ADK: variants seen among roughly 807,000 people sequenced by gnomAD.
ADK encodes the protein N6,N6-dimethyladenosine kinase.
Under a neutral mutation model 44.7 loss-of-function variants are expected in ADK, and 24 were observed. That is an observed-to-expected ratio of 0.54 (90% CI 0.39 to 0.76). The LOEUF (loss-of-function observed/expected upper bound fraction) is 0.76, where lower values mean the gene tolerates loss of function less well. Among genes scored for constraint, ADK ranks in the 30% least tolerant of loss-of-function variants. The pLI is 0.00. For synonymous variants in ADK, 128 were observed against 142.6 expected, an observed-to-expected ratio of 0.90 and a Z score of 0.73; for missense variants, 321 against 425.1, an observed-to-expected ratio of 0.76 and a Z score of 2.15.
At position 74,252,957 on chromosome 10, in the gene ADK, TG is replaced by T. The variant is rs145517081; in HGVS notation, c.194+28368del. Among the ~76,000 whole-genome samples the T allele has an allele frequency of 2.3e-3, 358 of 152,354 alleles. 1 individual carries two copies. The highest frequency in any genetic ancestry group is 7.6e-3 in the African/African-American group (317 of 41,578). ...AGAGGATACATTTAGAGATAGTATA[TG>T]GTTAGCAGTTGTTTATGTGTCCAGT... is the stretch of plus-strand genomic sequence containing the variant. On this transcript the variant is annotated intron_variant, in intron 3 of 10. Transcript: ENST00000539909.
chr10:74,699,211 C>A (rs530006544), intron 10 of ADK, among the ~76,000 whole-genome samples: 1 of 150,566 alleles, frequency 6.6e-6, no homozygotes, highest in Non-Finnish European at 1.5e-5. Context: ...GTTTACCAAC[C>A]ACACTCTGGG....
intron 1 of ADK, among the ~76,000 whole-genome samples, chr10:74,172,607 T>G (rs1442736360): frequency 1.3e-5 from 2 of 149,786 alleles, no homozygotes; most frequent in Non-Finnish European, 2.9e-5. Flanking sequence ...GAGAATTACT[T>G]GAACCTGGGA....
At chr10:74,225,335 C>T (rs565003393) in intron 3 of ADK, among the ~76,000 whole-genome samples, 2 of 152,300 alleles carry the variant, frequency 1.3e-5, no homozygotes, top group African/African-American at 4.8e-5. Context: ...GCCTTGGCCT[C>T]CCAAAGTGCT....
At chr10:74,296,638 G>A (rs558217475) in intron 3 of ADK, among the ~76,000 whole-genome samples, 1 of 146,794 alleles carries the variant, frequency 6.8e-6, no homozygotes, top group African/African-American at 2.5e-5. Flanking sequence ...TTGAGATGGA[G>A]TCTTGCTCTG....
At chr10:74,225,358 G>A (rs1282932303) in intron 3 of ADK, among the ~76,000 whole-genome samples, 3 of 152,186 alleles carry the variant, frequency 2.0e-5, no homozygotes, top group African/African-American at 7.2e-5. Context: ...GATTACAGGT[G>A]TGAGCCACTA....
chr10:74,647,372 T>C (rs749579272), intron 9 of ADK, among the ~76,000 whole-genome samples: 21 of 152,208 alleles, frequency 1.4e-4, no homozygotes, highest in Non-Finnish European at 2.5e-4. Context: ...ATTTGGGGGA[T>C]GCTAAGAACT....
chr10:74,617,543 A>G (rs1281156471), intron 9 of ADK, among the ~76,000 whole-genome samples: 1 of 152,170 alleles, frequency 6.6e-6, no homozygotes, highest in East Asian at 1.9e-4. Context: ...GAATAATGCC[A>G]ACATTGACAT....
intron 6 of ADK, among the ~76,000 whole-genome samples, chr10:74,404,327 A>G (rs907931443): frequency 1.3e-5 from 2 of 152,154 alleles, no homozygotes; most frequent in African/African-American, 4.8e-5. Flanking sequence ...CTTAATAAGA[A>G]AAAATTCATA....
intron 9 of ADK, among the ~76,000 whole-genome samples, chr10:74,623,091 A>G (rs1853057903): frequency 6.6e-6 from 1 of 152,182 alleles, no homozygotes; most frequent in Admixed American, 6.5e-5. Context: ...ATGTTAACTC[A>G]TTGGCTTACA....
At chr10:74,513,827 T>C (rs1234624767) in intron 6 of ADK, among the ~76,000 whole-genome samples, 1 of 152,192 alleles carries the variant, frequency 6.6e-6, no homozygotes, top group Non-Finnish European at 1.5e-5. Context: ...CTCAGTGTTA[T>C]TTTTGCAGTT....
At chr10:74,228,618 A>G (rs1844637248) in intron 3 of ADK, among the ~76,000 whole-genome samples, 1 of 152,170 alleles carries the variant, frequency 6.6e-6, no homozygotes, top group African/African-American at 2.4e-5. Context: ...TACTGATTTT[A>G]TTTATAAATG....
chr10:74,248,069 G>T (rs958867161), intron 3 of ADK, among the ~76,000 whole-genome samples: 1 of 152,104 alleles, frequency 6.6e-6, no homozygotes, highest in Non-Finnish European at 1.5e-5. Flanking sequence ...TTAAAACTAT[G>T]TCATAAAGAA....
At chr10:74,617,852 AT>A (rs1852835853) in intron 9 of ADK, among the ~76,000 whole-genome samples, 4 of 152,216 alleles carry the variant, frequency 2.6e-5, no homozygotes, top group Admixed American at 2.6e-4. Context: ...TTGGGCTCCC[AT>A]AGTGCGGGGA....
At chr10:74,565,162 A>G (rs1281894096) in intron 7 of ADK, among the ~76,000 whole-genome samples, 1 of 152,234 alleles carries the variant, frequency 6.6e-6, no homozygotes, top group Non-Finnish European at 1.5e-5. Flanking sequence ...AAGCTCTGGG[A>G]AAGTTTGGTG....
At chr10:74,196,526 G>A (rs1424908382) in intron 1 of ADK, among the ~76,000 whole-genome samples, 2 of 152,022 alleles carry the variant, frequency 1.3e-5, no homozygotes, top group Admixed American at 6.6e-5. Context: ...GTGACAGAGC[G>A]AGATTCTGTC....
At chr10:74,184,501 T>TTGTGTGTGTG (rs67693938) in intron 1 of ADK, among the ~76,000 whole-genome samples, 31 of 138,508 alleles carry the variant, frequency 2.2e-4, no homozygotes, top group South Asian at 1.2e-3. Flanking sequence ...TGGCTATATT[T>TTGTGTGTGTG]TGTGTGTGTG....
chr10:74,376,777 C>CTTTTTTTTTTTTTTTTTTTTTT (rs35675013), intron 4 of ADK, among the ~76,000 whole-genome samples: 1 of 135,378 alleles, frequency 7.4e-6, no homozygotes, highest in Non-Finnish European at 1.6e-5. Context: ...TCTCTCTCGT[C>CTTTTTTTTTTTTTTTTTTTTTT]TTTTTTTTTT....
At chr10:74,322,473 C>A (rs374537711) in intron 4 of ADK, among the ~76,000 whole-genome samples, 3 of 152,020 alleles carry the variant, frequency 2.0e-5, no homozygotes, top group South Asian at 2.1e-4. Context: ...AATTGTGATA[C>A]CTCATTATAG....
At chr10:74,331,337 A>T (rs1421682315) in intron 4 of ADK, among the ~76,000 whole-genome samples, 1 of 152,172 alleles carries the variant, frequency 6.6e-6, no homozygotes, top group African/African-American at 2.4e-5. Flanking sequence ...AAATAGAGTG[A>T]TTTATGATTA....
Sources: gnomAD v4.1 joint callset for allele counts (sites outside exome capture counted in the v4.1 genomes callset) on GRCh38, gnomAD v4.1.1 for gene constraint, MANE v1.5 for transcripts, NCBI Gene and HGNC (gene_info 2026-07-23, HGNC 2026-07-21) for gene names.